Variants in EAF1 observed in about 807,000 individuals in gnomAD.
EAF1 encodes the protein ELL-associated factor 1.
EAF1 carries 19 observed loss-of-function variants against 26.6 expected under a neutral mutation model. The ratio of observed to expected loss-of-function variants is 0.71; its 90% CI spans 0.50 to 1.05. The LOEUF (loss-of-function observed/expected upper bound fraction) is 1.05, where lower values mean the gene tolerates loss of function less well. Ranked by LOEUF, EAF1 falls within the 50% of genes least tolerant of loss-of-function variation. EAF1 has a pLI of 0.00. For missense variants in EAF1, 260 were observed against 335.5 expected (o/e 0.78, Z 1.76); for synonymous variants, 102 against 120.6 (o/e 0.85, Z 1.01).
intron 1 of EAF1, among the ~76,000 whole-genome samples, chr3:15,429,280 G>A (rs976846554): frequency 7.9e-5 from 12 of 151,948 alleles, no homozygotes; most frequent in Non-Finnish European, 8.8e-5. Flanking sequence ...TCGACAGATA[G>A]CTTGAGCCCA....
chr3:15,442,358 C>T lies in EAF1; in HGVS notation c.*3203C>T, dbSNP rs1168003614. On this transcript the variant is annotated 3_prime_UTR_variant, in exon 6 of 6. Transcript: ENST00000396842. Reference sequence around the variant, plus strand: ...GAAGGTAGGATTTCTGAAACTCAGGCCTTAACCAATAGGTTGGAAGACAAG... The same window carrying T: ...GAAGGTAGGATTTCTGAAACTCAGGTCTTAACCAATAGGTTGGAAGACAAG... 1.3e-5 allele frequency: 2 copies of T among 152,528 alleles called. No homozygotes were observed. Among genetic ancestry groups the T allele is most frequent in the East Asian group, 3.9e-4 (2 of 5,172 alleles). The allele number at this position is 152,528 out of a possible 1,614,324, so 9.4% of individuals were successfully genotyped here. A position where few individuals can be genotyped will look rare whatever the true frequency, so the allele number is the denominator to read the frequency against.
chr3:15,428,550 G>A (rs533757343), intron 1 of EAF1, among the ~76,000 whole-genome samples: 6 of 152,326 alleles, frequency 3.9e-5, no homozygotes, highest in African/African-American at 1.4e-4. Context: ...TGTGGGTAAA[G>A]AGTCAAATCA....
chr3:15,438,292 T>C (rs2061846851), intron 5 of EAF1, among the ~76,000 whole-genome samples: 1 of 152,148 alleles, frequency 6.6e-6, no homozygotes, highest in Non-Finnish European at 1.5e-5. Context: ...GAATCTGGGG[T>C]TTTGTAAAGC....
In EAF1 at chr3:15,434,499, AACCCCTC is replaced by A; in HGVS notation, c.491_497del (p.Pro164LeufsTer12). The A allele has an allele frequency of 6.2e-7, 1 of 1,614,226 alleles. No homozygotes were observed. On this transcript the variant is annotated frameshift_variant, in exon 4 of 6. Transcript: ENST00000396842. LOFTEE classifies it high-confidence loss of function. Reference sequence around the variant, plus strand: ...ACCCAAAACTTCTCCCTTGAAAGATAACCCCTCACCTGAACCTCAGTTGGATGACATC... The same window carrying A: ...ACCCAAAACTTCTCCCTTGAAAGATAACCTGAACCTCAGTTGGATGACATC...
At chr3:15,430,456 C>T (rs6807620) in intron 2 of EAF1, among the ~76,000 whole-genome samples, 80,760 of 146,458 alleles carry the variant, frequency 0.55, 23,546 homozygotes, top group African/African-American at 0.75. Context: ...TGAGACTCCC[C>T]CTCAAAAAAA....
intron 1 of EAF1, 88 bp from the exon 2 acceptor site, chr3:15,429,825 A>C (rs974886558): frequency 2.1e-5 from 17 of 798,688 alleles, no homozygotes; most frequent in African/African-American, 3.5e-5. Flanking sequence ...TCATCTGAGT[A>C]ATAATTTTAA....
rs2125069107 is a variant in EAF1, at chr3:15,439,289, C to T, written c.*134C>T. On this transcript the variant is annotated 3_prime_UTR_variant, in exon 6 of 6. Coordinates refer to ENST00000396842, the MANE Select transcript of EAF1 (RefSeq NM_033083.7). ...AGTAGGAGTTTGAGGCTCTGGAACT[C>T]TCACATATTCAAGTCTTTAACTTAG... The T allele has an allele frequency of 1.4e-6, 1 of 733,594 alleles. No individual in the cohort carries two copies. Among genetic ancestry groups the T allele is most frequent in the African/African-American group, 1.8e-5 (1 of 56,202 alleles). 45.4% of individuals were successfully genotyped at this position (733,594 alleles called of 1,614,324 possible). A position where few individuals can be genotyped will look rare whatever the true frequency, so the allele number is the denominator to read the frequency against.
chr3:15,433,098 ACTT>A (rs1449744083), intron 3 of EAF1: 7 of 152,088 alleles, frequency 4.6e-5, no homozygotes, highest in Admixed American at 1.3e-4. Context: ...ATTATTTTTT[ACTT>A]CTTTTGTTAA....
chr3:15,439,122 G>A lies in EAF1; in HGVS notation c.774G>A (p.Gln258=). 12 of 1,612,706 alleles carry A rather than the reference G, an allele frequency of 7.4e-6. No individual in the cohort carries two copies. Among genetic ancestry groups the A allele is most frequent in the Non-Finnish European group, 1.0e-5 (12 of 1,179,474 alleles). ...QLMNTLRNDL[Q]LSESGSDSDD ...TTTTTTAAATAGGAAATGACTTGCA[G>A]TTGAGTGAGTCTGGCAGTGACAGTG... is the stretch of plus-strand genomic sequence containing the variant. The change falls in exon 6 of 6, where the codon CAG becomes CAA. Residue 258 remains glutamine, a synonymous_variant. Coordinates refer to ENST00000396842, the MANE Select transcript of EAF1 (RefSeq NM_033083.7).
rs772662577 is a variant in EAF1 at position 15,429,991 on chromosome 3, C to A, written c.182C>A (p.Thr61Lys). ...QVGKGDEVTI[T>K]LPHIPGSTPP... ...GGCAAAGGAGATGAAGTCACAATTA[C>A]ACTGCCACATATCCCTGTGAGTTTA... The change falls in exon 2 of 6, where the codon ACA becomes AAA. Residue 61 changes from threonine to lysine, a missense_variant. By Grantham distance (78) the Thr-to-Lys change is moderately conservative (BLOSUM62 -1). Transcript: ENST00000396842. 2.5e-6 allele frequency: 4 copies of A among 1,606,814 alleles called. No individual in the cohort carries two copies. Among genetic ancestry groups the A allele is most frequent in the Non-Finnish European group, 3.4e-6 (4 of 1,174,968 alleles).
chr3:15,439,408 A>G lies in EAF1; in HGVS notation c.*253A>G. On this transcript the variant is annotated 3_prime_UTR_variant, in exon 6 of 6. Transcript: ENST00000396842. ...GAAGAGCTAACAGAATTATATTTCT[A>G]TTTAGTTAAAATTGTTAATGAAAAA... 5.3e-6 allele frequency: 2 copies of G among 373,832 alleles called. No individual in the cohort carries two copies. Among genetic ancestry groups the G allele is most frequent in the Non-Finnish European group, 9.5e-6 (2 of 209,660 alleles). 23.2% of individuals were successfully genotyped at this position (373,832 alleles called of 1,614,324 possible). A position where few individuals can be genotyped will look rare whatever the true frequency, so the allele number is the denominator to read the frequency against.
In EAF1 at chr3:15,427,820, A is replaced by G. The variant is rs748304883; in HGVS notation, c.41A>G (p.His14Arg). Reference protein sequence around the residue: ...TANPLLDREEHCLRLGESFEK... With the variant: ...TANPLLDREERCLRLGESFEK... Reference sequence around the variant, plus strand: ...AACCCGCTGCTGGACCGCGAGGAACATTGCCTGAGGCTCGGGGAGAGCTTC... The same window carrying G: ...AACCCGCTGCTGGACCGCGAGGAACGTTGCCTGAGGCTCGGGGAGAGCTTC... Residue 14 changes from histidine (H) to arginine (R), a missense_variant, in exon 1 of 6, where the codon CAT becomes CGT. Transcript: ENST00000396842. The G allele has an allele frequency of 5.8e-6, 9 of 1,551,128 alleles. No individual in the cohort carries two copies. The highest frequency in any genetic ancestry group is 7.0e-6 in the Non-Finnish European group (8 of 1,146,808).
rs2061861916 is a variant in EAF1, at chr3:15,440,576, A to G, written c.*1421A>G. On this transcript the variant is annotated 3_prime_UTR_variant, in exon 6 of 6. Transcript: ENST00000396842. ...CTCCCTCCCCAGCTAGTGGAGGGGA[A>G]GCAGTCTGGACTTAGAAAGGAAATA... 6.6e-6 allele frequency: 1 copy of G among 152,206 alleles called. No individual in the cohort carries two copies. Among genetic ancestry groups the G allele is most frequent in the African/African-American group, 2.4e-5 (1 of 41,424 alleles). 9.4% of individuals were successfully genotyped at this position (152,206 alleles called of 1,614,324 possible).
intron 5 of EAF1, among the ~76,000 whole-genome samples, chr3:15,437,447 C>G (rs2061842575): frequency 6.6e-6 from 1 of 151,758 alleles, no homozygotes; most frequent in African/African-American, 2.4e-5. Flanking sequence ...GCCACCATAC[C>G]CAGCCATTTT....
intron 1 of EAF1, among the ~76,000 whole-genome samples, chr3:15,428,538 C>T (rs1355885176): frequency 6.6e-6 from 1 of 152,120 alleles, no homozygotes; most frequent in Non-Finnish European, 1.5e-5. Context: ...GACCAAGTTC[C>T]TTGTGGGTAA....
At chr3:15,438,941 C>T (rs2061850699) in intron 5 of EAF1, 168 bp from the exon 6 acceptor site, 1 of 622,234 alleles carries the variant, frequency 1.6e-6, no homozygotes, top group African/African-American at 1.8e-5. Context: ...CCAAAAGCAC[C>T]ATTTTGTTTC....
In EAF1 at chr3:15,430,288, G is replaced by A. The variant is rs144533071; in HGVS notation, c.198+281G>A. ...AGCCTGGGCAACATGGTGAAACCCC[G>A]TCTGTACCAAAAATACAAAAAATTA... On this transcript the variant is annotated intron_variant, in intron 2 of 5. Coordinates refer to ENST00000396842, the MANE Select transcript of EAF1 (RefSeq NM_033083.7). 1.4e-3 allele frequency among the ~76,000 whole-genome samples: 206 copies of A among 151,852 alleles called. 1 individual carries two copies. The highest frequency in any genetic ancestry group is 4.7e-3 in the African/African-American group (194 of 41,394).
intron 1 of EAF1, among the ~76,000 whole-genome samples, chr3:15,429,297 T>G (rs1575449467): frequency 6.6e-6 from 1 of 151,714 alleles, no homozygotes; most frequent in Non-Finnish European, 1.5e-5. Flanking sequence ...CCCAGGAGTT[T>G]GAGACCAGCC....
At chr3:15,430,417 G>A (rs543719193) in intron 2 of EAF1, among the ~76,000 whole-genome samples, 2 of 146,372 alleles carry the variant, frequency 1.4e-5, no homozygotes, top group Admixed American at 1.4e-4. Context: ...CCAAGATCAC[G>A]CCACTGCACT....
Sources: gnomAD v4.1 joint callset for allele counts (sites outside exome capture counted in the v4.1 genomes callset) on GRCh38, gnomAD v4.1.1 for gene constraint, MANE v1.5 for transcripts, NCBI Gene and HGNC (gene_info 2026-07-23, HGNC 2026-07-21) for gene names.